The following PPP1CA variants were observed in gnomAD, a reference collection of about 807,000 sequenced individuals.
PPP1CA encodes the protein protein phosphatase 1 catalytic subunit alpha, also known as serine/threonine-protein phosphatase PP1-alpha catalytic subunit.
A neutral mutation model predicts 38.5 loss-of-function variants in PPP1CA; 14 were observed. That is an observed-to-expected ratio of 0.36 (90% CI 0.24 to 0.57). The LOEUF (loss-of-function observed/expected upper bound fraction) is 0.57. PPP1CA is among the 20% of genes least tolerant of loss of function. The pLI is 0.80. For missense variants in PPP1CA, 277 were observed against 435.2 expected (o/e 0.64, Z 3.23); for synonymous variants, 200 against 177.3 (o/e 1.13, Z -1.02).
At position 67,398,475 on chromosome 11, in the gene PPP1CA, T is replaced by C; in HGVS notation, c.*60A>G. 6.5e-7 allele frequency: 1 copy of C among 1,538,412 alleles called. No homozygotes were observed. The highest frequency in any genetic ancestry group is 8.9e-7 in the Non-Finnish European group (1 of 1,120,856). ...GGGTCGGGGTGACCCCCCCCCAGCA[T>C]GGCAGCATGATTTCTGTACAATCAA... On this transcript the variant is annotated 3_prime_UTR_variant, in exon 7 of 7. Coordinates refer to ENST00000376745, the MANE Select transcript of PPP1CA (RefSeq NM_002708.4).
In PPP1CA at chr11:67,398,702, CCTTT is replaced by C. The variant is rs753789358; in HGVS notation, c.882+16_882+19del. 3 of 1,613,136 alleles carry C rather than the reference CCTTT, an allele frequency of 1.9e-6. No individual in the cohort carries two copies. The highest frequency in any genetic ancestry group is 2.5e-6 in the Non-Finnish European group (3 of 1,179,390). On this transcript the variant is annotated intron_variant, in intron 6 of 6. Transcript: ENST00000376745. ...GGCTGAGCCACAGGGCCTAGCGGCT[CCTTT>C]CTTCCCCACACTCACCTGGAAAGAG...
At chr11:67,400,424 C>G (rs1862860108) in intron 3 of PPP1CA, among the ~76,000 whole-genome samples, 1 of 152,218 alleles carries the variant, frequency 6.6e-6, no homozygotes, top group Non-Finnish European at 1.5e-5. Context: ...ATCCTAAGTG[C>G]TTAGTAGCAA....
intron 4 of PPP1CA, 25 bp from the exon 5 acceptor site, chr11:67,399,188 TCCTCAAACAAGGACATCCTC>T: frequency 6.3e-7 from 1 of 1,598,952 alleles, no homozygotes; most frequent in Non-Finnish European, 8.6e-7. Context: ...GAAGGTCACT[TCCTCAAACAAGGACATCCTC>T]CCTCCAGGAA....
chr11:67,399,274 T>C, intron 4 of PPP1CA, 111 bp from the exon 5 acceptor site: 1 of 1,032,800 alleles, frequency 9.7e-7, no homozygotes, highest in Non-Finnish European at 1.4e-6. Context: ...GCCACTGGTC[T>C]CCTGGGCGCC....
Position 67,401,210 on chromosome 11 carries a change from A to C in PPP1CA, c.56-11T>G, listed in dbSNP as rs1415418919. ...GCCGCGAGCCCTGCACTGGGGCGCAATGGGGTGTCAGGACCCTGGACCCTG... is the reference window on the plus strand; with the variant it reads ...GCCGCGAGCCCTGCACTGGGGCGCACTGGGGTGTCAGGACCCTGGACCCTG... On this transcript the variant is annotated splice_polypyrimidine_tract_variant and intron_variant, in intron 1 of 6. Transcript: ENST00000376745. 3.1e-6 allele frequency: 5 copies of C among 1,613,530 alleles called. No homozygotes were observed. The highest frequency in any genetic ancestry group is 4.2e-6 in the Non-Finnish European group (5 of 1,179,878).
At chr11:67,401,305 CT>C in intron 1 of PPP1CA, 106 bp from the exon 2 acceptor site, 12 of 1,553,858 alleles carry the variant, frequency 7.7e-6, no homozygotes, top group Non-Finnish European at 9.7e-6. Flanking sequence ...TCCTCGGCCC[CT>C]CCTTGCCCAC....
intron 3 of PPP1CA, among the ~76,000 whole-genome samples, chr11:67,400,395 G>A (rs1395877916): frequency 6.6e-6 from 1 of 152,242 alleles, no homozygotes; most frequent in Admixed American, 6.5e-5. Flanking sequence ...CTTCTGGACA[G>A]CAGAGCCCAT....
chr11:67,398,992 A>C lies in PPP1CA; in HGVS notation c.695T>G (p.Val232Gly). Residue 232 changes from valine (V) to glycine (G), a missense_variant, in exon 5 of 7, where the codon GTG becomes GGG. Around this residue, in one of 3 missense-constraint regions of PPP1CA, gnomAD observed 180 missense variants for 356.7 expected, o/e 0.50. Coordinates refer to ENST00000376745, the MANE Select transcript of PPP1CA (RefSeq NM_002708.4). ...GTCGTGCTTGTGGAGGAACTTGGCC[A>C]CCACCTCGGCTCCAAAGGTAAAAGA... ...GVSFTFGAEV[V>G]AKFLHKHDLD... 2 of 1,613,402 alleles carry C rather than the reference A, an allele frequency of 1.2e-6. No individual in the cohort carries two copies. The highest frequency in any genetic ancestry group is 1.7e-6 in the Non-Finnish European group (2 of 1,180,014).
intron 4 of PPP1CA, 73 bp from the exon 5 acceptor site, chr11:67,399,236 C>G (rs1304506689): frequency 7.7e-7 from 1 of 1,301,842 alleles, no homozygotes; most frequent in East Asian, 2.5e-5. Context: ...CCAATGAACC[C>G]CACCTTTCCC....
At chr11:67,401,546 G>A (rs1862890654) in intron 1 of PPP1CA, 182 bp downstream of exon 1, 1 of 549,860 alleles carries the variant, frequency 1.8e-6, no homozygotes, top group Non-Finnish European at 2.9e-6. Context: ...GAGCTGCTCC[G>A]CGCGTCGGAG....
chr11:67,399,269 T>C, intron 4 of PPP1CA, 106 bp from the exon 5 acceptor site: 1 of 1,059,250 alleles, frequency 9.4e-7, no homozygotes, highest in Non-Finnish European at 1.4e-6. Context: ...GTCCCGCCAC[T>C]GGTCTCCTGG....
In PPP1CA at chr11:67,398,727, A is replaced by G; in HGVS notation, c.877T>C (p.Phe293Leu). The change falls in exon 6 of 7, where the codon TTC (phenylalanine) becomes CTC (leucine). Residue 293 changes from phenylalanine to leucine, a missense_variant. Phe to Leu is a conservative substitution (Grantham distance 22). This residue lies in a region of PPP1CA where 53 missense variants were observed against 51.1 expected (regional missense o/e 1.04). Coordinates refer to ENST00000376745, the MANE Select transcript of PPP1CA (RefSeq NM_002708.4). ...MSVDETLMCS[F>L]QILKPADKNK... ...CCTTTCTTCCCCACACTCACCTGGA[A>G]AGAGCACATGAGGGTCTCGTCCACA... 2 of 1,613,898 alleles carry G rather than the reference A, an allele frequency of 1.2e-6. No individual in the cohort carries two copies. The highest frequency in any genetic ancestry group is 1.7e-6 in the Non-Finnish European group (2 of 1,179,926).
chr11:67,400,771 G>C lies in PPP1CA; in HGVS notation c.336C>G (p.Ile112Met), dbSNP rs1398575142. 6.2e-7 allele frequency: 1 copy of C among 1,614,140 alleles called. No homozygotes were observed. Among genetic ancestry groups the C allele is most frequent in the East Asian group, 2.2e-5 (1 of 44,894 alleles). ...ETICLLLAYK[I>M]KYPENFFLLR... ...GCAGGAAGAAGTTCTCGGGGTACTT[G>C]ATCTTATAGGCCAGCAGCAGGCAGA... The change falls in exon 3 of 7, where the codon ATC (isoleucine) becomes ATG (methionine). Residue 112 changes from isoleucine (I) to methionine (M), a missense_variant. Coordinates refer to ENST00000376745, the MANE Select transcript of PPP1CA (RefSeq NM_002708.4).
Position 67,399,554 on chromosome 11 carries a change from C to T in PPP1CA, c.523+7G>A, listed in dbSNP as rs1373470288. On this transcript the variant is annotated splice_region_variant and intron_variant, in intron 4 of 6. Transcript: ENST00000376745. ...TGCTCCTCCTCCCCAGCCATCCCCTCCCTCACCTCCGTGGCAGCAGAAGAT... is the reference window on the plus strand; with the variant it reads ...TGCTCCTCCTCCCCAGCCATCCCCTTCCTCACCTCCGTGGCAGCAGAAGAT... 1 of 1,613,472 alleles carries T rather than the reference C, an allele frequency of 6.2e-7. No homozygotes were observed. Among genetic ancestry groups the T allele is most frequent in the Admixed American group, 1.7e-5 (1 of 60,028 alleles).
chr11:67,398,273 C>T lies in PPP1CA; in HGVS notation c.*262G>A. The stretch of plus-strand genomic sequence containing the variant: ...CTGAGGCCAAGCACGGCTGGAGACC[C>T]ACGACCTGGCCTGCCGTTGCCCTGA... On this transcript the variant is annotated 3_prime_UTR_variant, in exon 7 of 7. Transcript: ENST00000376745. 1 of 512,598 alleles carries T rather than the reference C, an allele frequency of 2.0e-6. No homozygotes were observed. The highest frequency in any genetic ancestry group is 3.4e-5 in the East Asian group (1 of 29,086). The allele number at this position is 512,598 out of a possible 1,614,324, so 31.8% of individuals were successfully genotyped here. A position where few individuals can be genotyped will look rare whatever the true frequency, so the allele number is the denominator to read the frequency against.
chr11:67,400,699 G>A lies in PPP1CA; in HGVS notation c.408C>T (p.Phe136=), dbSNP rs367543170. The change falls in exon 3 of 7, where the codon TTC becomes TTT. Residue 136 remains phenylalanine (F), a synonymous_variant. Transcript: ENST00000376745. The stretch of plus-strand genomic sequence containing the variant: ...GCTCAGACCACTCACACTCATCGTA[G>A]AAACCATAGATGCGGTTGATGCTGG... ...ECASINRIYG[F]YDECKRRYNI... is the part of the protein sequence containing the mutation. 6.2e-7 allele frequency: 1 copy of A among 1,613,704 alleles called. No individual in the cohort carries two copies. The highest frequency in any genetic ancestry group is 1.7e-5 in the Admixed American group (1 of 60,004).
intron 2 of PPP1CA, 56 bp from the exon 3 acceptor site, chr11:67,400,975 C>T (rs1862877254): frequency 6.2e-7 from 1 of 1,608,842 alleles, no homozygotes; most frequent in African/African-American, 1.3e-5. Flanking sequence ...GAACCCAGGG[C>T]CAGGACTGCG....
At chr11:67,401,441 C>T (rs760746548) in intron 1 of PPP1CA, 8 of 668,524 alleles carry the variant, frequency 1.2e-5, no homozygotes, top group Non-Finnish European at 2.0e-5. Context: ...AAAAACCTCA[C>T]AGCGCAGGAC....
In PPP1CA at chr11:67,398,442, G is replaced by A; in HGVS notation, c.*93C>T. 1 of 1,253,182 alleles carries A rather than the reference G, an allele frequency of 8.0e-7. No homozygotes were observed. The allele number at this position is 1,253,182 out of a possible 1,614,324, so 77.6% of individuals were successfully genotyped here. ...GGCTCCATGTTCCCCGTGACAGGTGGGCCTGAGGGGTCGGGGTGACCCCCC... is the reference window on the plus strand; with the variant it reads ...GGCTCCATGTTCCCCGTGACAGGTGAGCCTGAGGGGTCGGGGTGACCCCCC... On this transcript the variant is annotated 3_prime_UTR_variant, in exon 7 of 7. Coordinates refer to ENST00000376745, the MANE Select transcript of PPP1CA (RefSeq NM_002708.4).
Sources: allele counts gnomAD v4.1 joint callset (sites outside exome capture counted in the v4.1 genomes callset), GRCh38; gene constraint gnomAD v4.1.1; regional missense constraint gnomAD v4.1.1; transcripts MANE v1.5; gene names NCBI Gene and HGNC (gene_info 2026-07-23, HGNC 2026-07-21).